Variants in TMEM132B observed in about 807,000 individuals in gnomAD.
TMEM132B encodes transmembrane protein 132B.
A neutral mutation model predicts 90.8 loss-of-function variants in TMEM132B; 18 were observed. That is an observed-to-expected ratio of 0.20 (90% CI 0.14 to 0.29). The LOEUF (loss-of-function observed/expected upper bound fraction) is 0.29. Ranked by LOEUF, TMEM132B falls within the 10% of genes least tolerant of loss-of-function variation. The probability of loss-of-function intolerance (pLI) is 1.00; values close to 1 mark genes in which losing one functional copy is unlikely to be tolerated. For missense variants in TMEM132B, 1,096 were observed against 1,326.8 expected (o/e 0.83, Z 2.70); for synonymous variants, 504 against 523.3 (o/e 0.96, Z 0.50).
chr12:125,553,313 G>T (rs1460720846), intron 4 of TMEM132B, among the ~76,000 whole-genome samples: 2 of 152,228 alleles, frequency 1.3e-5, no homozygotes, highest in African/African-American at 4.8e-5. Context: ...CCAGGGCTGG[G>T]CTGCAGGATG....
At chr12:125,461,216 A>AGCC (rs1881427692) in intron 3 of TMEM132B, among the ~76,000 whole-genome samples, 2 of 152,202 alleles carry the variant, frequency 1.3e-5, no homozygotes, top group Admixed American at 6.5e-5. Context: ...TCCTCCCTGA[A>AGCC]TTCAGGGAGA....
intron 1 of TMEM132B, among the ~76,000 whole-genome samples, chr12:125,322,493 T>C (rs1336838042): frequency 9.2e-5 from 14 of 152,196 alleles, no homozygotes; most frequent in Non-Finnish European, 2.1e-4. Flanking sequence ...AAATGCGGAT[T>C]AATAGTTGCC....
At chr12:125,598,255 T>C (rs1002039127) in intron 5 of TMEM132B, among the ~76,000 whole-genome samples, 1 of 152,182 alleles carries the variant, frequency 6.6e-6, no homozygotes, top group Non-Finnish European at 1.5e-5. Flanking sequence ...ATGGGATACA[T>C]TGAGGAAAGG....
At chr12:125,344,630 C>T (rs975222734) in intron 1 of TMEM132B, among the ~76,000 whole-genome samples, 5 of 152,104 alleles carry the variant, frequency 3.3e-5, no homozygotes, top group African/African-American at 9.7e-5. Context: ...AGTCTTCTAC[C>T]AGAGCTTCCA....
chr12:125,594,497 A>C (rs145343501), intron 5 of TMEM132B, among the ~76,000 whole-genome samples: 1 of 152,218 alleles, frequency 6.6e-6, no homozygotes, highest in African/African-American at 2.4e-5. Flanking sequence ...CTTTCCCACT[A>C]TCAGGATTTG....
intron 5 of TMEM132B, among the ~76,000 whole-genome samples, chr12:125,621,111 G>T (rs1886102355): frequency 6.6e-6 from 1 of 152,188 alleles, no homozygotes; most frequent in Non-Finnish European, 1.5e-5. Context: ...AGGTGTGCCA[G>T]AGACACATAG....
chr12:125,446,014 T>A (rs1880998415), intron 3 of TMEM132B, among the ~76,000 whole-genome samples: 1 of 152,214 alleles, frequency 6.6e-6, no homozygotes. Flanking sequence ...TCCAACAAAG[T>A]CTGAATCCCA....
chr12:125,513,150 G>A (rs1393949899), intron 3 of TMEM132B, among the ~76,000 whole-genome samples: 1 of 152,250 alleles, frequency 6.6e-6, no homozygotes, highest in East Asian at 1.9e-4. Context: ...CTGCAGCTCA[G>A]GGGCTCTGCT....
chr12:125,395,620 T>C (rs1427475386), intron 2 of TMEM132B, among the ~76,000 whole-genome samples: 1 of 152,238 alleles, frequency 6.6e-6, no homozygotes, highest in Non-Finnish European at 1.5e-5. Context: ...GGGTTTTATC[T>C]GGTCCTCGGA....
At chr12:125,494,991 G>A (rs1192357416) in intron 3 of TMEM132B, among the ~76,000 whole-genome samples, 2 of 107,194 alleles carry the variant, frequency 1.9e-5, no homozygotes, top group East Asian at 6.2e-4. Context: ...CCTGGAAATG[G>A]CTGTGTCCCT....
intron 4 of TMEM132B, among the ~76,000 whole-genome samples, chr12:125,536,005 C>T (rs1883786212): frequency 6.6e-6 from 1 of 152,218 alleles, no homozygotes; most frequent in Non-Finnish European, 1.5e-5. Flanking sequence ...CCATGAAAAG[C>T]AGCCACAACA....
chr12:125,370,566 G>T (rs537083398), intron 2 of TMEM132B, among the ~76,000 whole-genome samples: 2 of 152,092 alleles, frequency 1.3e-5, no homozygotes, highest in African/African-American at 4.8e-5. Flanking sequence ...CCCCCATCAG[G>T]GTTTTCCTTC....
chr12:125,432,788 C>T (rs1880580997), intron 3 of TMEM132B, among the ~76,000 whole-genome samples: 2 of 152,008 alleles, frequency 1.3e-5, no homozygotes, highest in Non-Finnish European at 2.9e-5. Flanking sequence ...TTGGTGGAAT[C>T]GGCATCTGGT....
chr12:125,288,456 C>A (rs1210681603), intron 1 of TMEM132B, among the ~76,000 whole-genome samples: 1 of 100,854 alleles, frequency 9.9e-6, no homozygotes, highest in African/African-American at 3.9e-5. Context: ...GAGCAAGACT[C>A]CATCTCAAAA....
At chr12:125,599,501 G>A (rs908588095) in intron 5 of TMEM132B, among the ~76,000 whole-genome samples, 5 of 152,160 alleles carry the variant, frequency 3.3e-5, no homozygotes, top group Non-Finnish European at 5.9e-5. Context: ...TACGCTCTCT[G>A]TGTGGCCTAT....
intron 2 of TMEM132B, among the ~76,000 whole-genome samples, chr12:125,351,836 A>G (rs950030813): frequency 2.0e-5 from 3 of 152,224 alleles, no homozygotes; most frequent in African/African-American, 7.2e-5. Context: ...TGCAAACTGG[A>G]TTCATCTGCT....
intron 3 of TMEM132B, among the ~76,000 whole-genome samples, chr12:125,434,696 C>T (rs1483592125): frequency 6.6e-6 from 1 of 152,228 alleles, no homozygotes; most frequent in Non-Finnish European, 1.5e-5. Flanking sequence ...CTTGCCCTTT[C>T]AGCCTAGAGG....
intron 1 of TMEM132B, among the ~76,000 whole-genome samples, chr12:125,233,875 T>A (rs2136085146): frequency 6.6e-6 from 1 of 152,306 alleles, no homozygotes; most frequent in South Asian, 2.1e-4. Flanking sequence ...TGCCTCCCCG[T>A]AGATCCTGGC....
chr12:125,529,272 T>C (rs1566064527), intron 4 of TMEM132B, among the ~76,000 whole-genome samples: 3 of 152,070 alleles, frequency 2.0e-5, no homozygotes, highest in African/African-American at 7.2e-5. Context: ...TACTTTTTAA[T>C]TTTTTGTAGA....
Sources: allele counts gnomAD v4.1 joint callset (sites outside exome capture counted in the v4.1 genomes callset), GRCh38; gene constraint gnomAD v4.1.1; transcripts MANE v1.5; gene names NCBI Gene and HGNC (gene_info 2026-07-23, HGNC 2026-07-21).